Variants in DNAH5 observed in about 807,000 individuals in gnomAD.
The protein encoded by DNAH5 is axonemal beta dynein heavy chain 5.
Under a neutral mutation model 518.2 loss-of-function variants are expected in DNAH5, and 372 were observed. The observed-to-expected ratio is 0.72, with a 90% CI of 0.66 to 0.78. The LOEUF (loss-of-function observed/expected upper bound fraction) is 0.78. Among genes scored for constraint, DNAH5 ranks in the 30% least tolerant of loss-of-function variants. The probability of loss-of-function intolerance (pLI) is 0.00; values close to 1 mark genes in which losing one functional copy is unlikely to be tolerated. For synonymous variants in DNAH5, 2,039 were observed against 2,025.9 expected (o/e 1.01, Z -0.17); for missense variants, 5,523 against 5,687.0 (o/e 0.97, Z 0.93).
rs945618143 is a variant in DNAH5 at position 13,839,825 on chromosome 5, A to G, written c.5710-297T>C. Among the ~76,000 whole-genome samples, 67 of 152,228 alleles carry G rather than the reference A, an allele frequency of 4.4e-4. 1 individual carries two copies. Among genetic ancestry groups the G allele is most frequent in the Admixed American group, 9.8e-4 (15 of 15,290 alleles). ...TTAATTTCTTAAATTTCACCCTGAC[A>G]TGCCTAATGCCATAGTCCTCACCAT... On this transcript the variant is annotated intron_variant, in intron 34 of 78. Coordinates refer to ENST00000265104, the MANE Select transcript of DNAH5 (RefSeq NM_001369.3).
Position 13,989,254 on chromosome 5 carries a change from C to G in DNAH5, c.12+22394G>C, listed in dbSNP as rs1783317930. ...AGGAAATATTCTACAAGAAAAAGTG[C>G]AGCTTCACAATAAGAAATCCATAAA... On this transcript the variant is annotated intron_variant, in intron 1 of 78. Transcript: ENST00000681290. Among the ~76,000 whole-genome samples, 3 of 152,230 alleles carry G rather than the reference C, an allele frequency of 2.0e-5. No homozygotes were observed. The South Asian group carries it at 6.2e-4, about 32-fold the overall frequency.
At chr5:13,998,219 T>A (rs1197204412) in intron 1 of DNAH5, among the ~76,000 whole-genome samples, 3 of 152,200 alleles carry the variant, frequency 2.0e-5, no homozygotes, top group African/African-American at 2.4e-5. Flanking sequence ...GAGGGCTCAC[T>A]CTCTGTTCCA....
intron 1 of DNAH5, among the ~76,000 whole-genome samples, chr5:13,980,127 C>T (rs339426): frequency 0.35 from 53,770 of 151,938 alleles, 9,880 homozygotes; most frequent in South Asian, 0.46. Context: ...CGTGACCCAC[C>T]GTGCCCAGCC....
chr5:13,989,637 T>C (rs112848703), intron 1 of DNAH5, among the ~76,000 whole-genome samples: 42,630 of 151,594 alleles, frequency 0.28, 6,391 homozygotes, highest in East Asian at 0.61. Context: ...GCGCCCGCCA[T>C]CACACCCGGC....
At chr5:13,952,871 T>C (rs1261949808) in intron 1 of DNAH5, among the ~76,000 whole-genome samples, 1 of 152,160 alleles carries the variant, frequency 6.6e-6, no homozygotes, top group Non-Finnish European at 1.5e-5. Context: ...CAGCCTGGAA[T>C]TCCTGGGATC....
chr5:13,886,198 G>C, intron 17 of DNAH5, 69 bp from the exon 18 acceptor site: 2 of 1,457,224 alleles, frequency 1.4e-6, no homozygotes, highest in East Asian at 4.9e-5. Flanking sequence ...TGAGAGCACA[G>C]AAACAGTGGT....
At chr5:13,858,872 T>C (rs1206195333) in intron 30 of DNAH5, among the ~76,000 whole-genome samples, 3 of 152,196 alleles carry the variant, frequency 2.0e-5, no homozygotes, top group Admixed American at 1.3e-4. Flanking sequence ...ATAAGAATCC[T>C]TGAGAATTGG....
At chr5:13,782,665 ATGT>A (rs1755357142) in intron 52 of DNAH5, among the ~76,000 whole-genome samples, 1 of 152,216 alleles carries the variant, frequency 6.6e-6, no homozygotes, top group Admixed American at 6.5e-5. Flanking sequence ...ATATATCAAG[ATGT>A]TGTTAATTAG....
At position 13,824,223 on chromosome 5, in the gene DNAH5, T is replaced by C. The variant is rs2151823590; in HGVS notation, c.6555A>G (p.Leu2185=). ...DTESTIVMRV[L]RDMNLSKLID... Reference sequence around the variant, plus strand: ...CCAGTTTAGAAAGATTCATGTCCCGTAGTACACGCATGACAATCGTGGACT... The same window carrying C: ...CCAGTTTAGAAAGATTCATGTCCCGCAGTACACGCATGACAATCGTGGACT... The change falls in exon 39 of 79, where the codon CTA becomes CTG. Residue 2185 remains leucine (L), a synonymous_variant. Transcript: ENST00000265104. 1 of 1,614,110 alleles carries C rather than the reference T, an allele frequency of 6.2e-7. No individual in the cohort carries two copies. The highest frequency in any genetic ancestry group is 8.5e-7 in the Non-Finnish European group (1 of 1,179,968).
chr5:13,766,509 T>G (rs943824458), intron 58 of DNAH5, among the ~76,000 whole-genome samples: 1 of 152,202 alleles, frequency 6.6e-6, no homozygotes, highest in Non-Finnish European at 1.5e-5. Context: ...CATAAGTAGA[T>G]TTCGAGGTTC....
intron 75 of DNAH5, 45 bp from the exon 76 acceptor site, chr5:13,708,380 A>C (rs1320336179): frequency 2.5e-6 from 4 of 1,595,396 alleles, no homozygotes; most frequent in Non-Finnish European, 2.6e-6. Context: ...TTAGCTACTA[A>C]GGATTTTATA....
rs1227311322 is a variant in DNAH5, at chr5:13,920,625, G to A, written c.661-8C>T. 3 of 1,613,916 alleles carry A rather than the reference G, an allele frequency of 1.9e-6. No individual in the cohort carries two copies. The highest frequency in any genetic ancestry group is 2.7e-5 in the African/African-American group (2 of 75,044). ...ACACTTTCGAAGGTTCACCTAATTAGAATGAAAATTAAATAATCAGATGAT... is the reference window on the plus strand; with the variant it reads ...ACACTTTCGAAGGTTCACCTAATTAAAATGAAAATTAAATAATCAGATGAT... On this transcript the variant is annotated splice_region_variant and splice_polypyrimidine_tract_variant and intron_variant, in intron 5 of 78. Coordinates refer to ENST00000265104, the MANE Select transcript of DNAH5 (RefSeq NM_001369.3).
chr5:13,906,913 G>C (rs1775373775), intron 12 of DNAH5, among the ~76,000 whole-genome samples: 1 of 129,946 alleles, frequency 7.7e-6, no homozygotes, highest in Admixed American at 7.9e-5. Flanking sequence ...TAAGCTGTCA[G>C]TTGAAGAAAG....
chr5:13,692,282 A>G, intron 78 of DNAH5, 147 bp from the exon 79 acceptor site: 2 of 895,808 alleles, frequency 2.2e-6, no homozygotes, highest in East Asian at 2.7e-5. Flanking sequence ...GAGGTCAGGC[A>G]ATTCCTAGAT....
intron 13 of DNAH5, 116 bp downstream of exon 13, chr5:13,901,937 T>C (rs1462892321): frequency 1.3e-6 from 1 of 774,078 alleles, no homozygotes; most frequent in African/African-American, 1.8e-5. Flanking sequence ...GTGACCCAAA[T>C]TGCCAAGAGA....
At chr5:13,883,473 T>G (rs1047380494) in intron 19 of DNAH5, among the ~76,000 whole-genome samples, 15 of 152,222 alleles carry the variant, frequency 9.9e-5, no homozygotes, top group African/African-American at 3.4e-4. Flanking sequence ...ACTATCGGCA[T>G]AAGCCAAAGT....
chr5:13,963,344 G>A (rs1056149439), intron 1 of DNAH5, among the ~76,000 whole-genome samples: 4 of 152,132 alleles, frequency 2.6e-5, no homozygotes, highest in African/African-American at 7.2e-5. Context: ...TTGGGAGGCC[G>A]AGGCGGGTGG....
rs1751953214 is a variant in DNAH5 at position 13,762,709 on chromosome 5, C to T, written c.10281+13G>A. The T allele has an allele frequency of 6.2e-7, 1 of 1,613,692 alleles. No homozygotes were observed. The highest frequency in any genetic ancestry group is 2.2e-5 in the East Asian group (1 of 44,864). ...CCCAGCCACCTTCACCCAGGTCTGC[C>T]TAGCAGGCTTACCTTCAGAGGCAGT... On this transcript the variant is annotated intron_variant, in intron 60 of 78. Coordinates refer to ENST00000265104, the MANE Select transcript of DNAH5 (RefSeq NM_001369.3).
At chr5:13,895,747 G>A (rs1773841636) in intron 15 of DNAH5, among the ~76,000 whole-genome samples, 2 of 151,922 alleles carry the variant, frequency 1.3e-5, no homozygotes, top group African/African-American at 2.4e-5. Flanking sequence ...TTCACAAATG[G>A]CAGCAGCCTC....
Sources: gnomAD v4.1 joint callset for allele counts (sites outside exome capture counted in the v4.1 genomes callset) on GRCh38, gnomAD v4.1.1 for gene constraint, MANE v1.5 for transcripts, NCBI Gene and HGNC (gene_info 2026-07-23, HGNC 2026-07-21) for gene names.